The following SGCZ variants were observed in gnomAD, a reference collection of about 807,000 sequenced individuals.
SGCZ encodes the protein zeta-sarcoglycan.
A neutral mutation model predicts 41.3 loss-of-function variants in SGCZ; 40 were observed. That is an observed-to-expected ratio of 0.97 (90% CI 0.75 to 1.26). SGCZ has a LOEUF of 1.26. Ranked by LOEUF, SGCZ falls within the 50% of genes most tolerant of loss-of-function variation. The pLI is 0.00. For missense variants in SGCZ, 552 were observed against 369.8 expected, an observed-to-expected ratio of 1.49 and a Z score of -4.04; for synonymous variants, 206 against 137.5, an observed-to-expected ratio of 1.50 and a Z score of -3.49.
At chr8:15,002,905 G>C (rs1333275172) in intron 1 of SGCZ, among the ~76,000 whole-genome samples, 1 of 152,020 alleles carries the variant, frequency 6.6e-6, no homozygotes, top group Admixed American at 6.6e-5. Context: ...GGAATCATGG[G>C]GTTGGGTCTT....
At chr8:14,593,973 G>C (rs553147017) in intron 1 of SGCZ, among the ~76,000 whole-genome samples, 1 of 151,914 alleles carries the variant, frequency 6.6e-6, no homozygotes, top group African/African-American at 2.4e-5. Flanking sequence ...TCAGGAGTTC[G>C]AGAGCAGTCT....
chr8:15,141,037 C>T (rs1354509557), intron 1 of SGCZ, among the ~76,000 whole-genome samples: 1 of 152,190 alleles, frequency 6.6e-6, no homozygotes, highest in Non-Finnish European at 1.5e-5. Context: ...TAAACTCTGG[C>T]TACATCTTAC....
intron 1 of SGCZ, among the ~76,000 whole-genome samples, chr8:15,121,542 T>C (rs553015376): frequency 1.1e-4 from 16 of 152,312 alleles, no homozygotes; most frequent in Admixed American, 3.3e-4. Flanking sequence ...AGTCTAGTTG[T>C]TGAAGTAAGA....
At chr8:14,881,476 T>A (rs1271030948) in intron 1 of SGCZ, among the ~76,000 whole-genome samples, 1 of 152,146 alleles carries the variant, frequency 6.6e-6, no homozygotes, top group Non-Finnish European at 1.5e-5. Context: ...AGTGAAAAGA[T>A]GCAGATTGCA....
chr8:14,793,130 A>G (rs1801009881), intron 1 of SGCZ, among the ~76,000 whole-genome samples: 1 of 152,190 alleles, frequency 6.6e-6, no homozygotes, highest in African/African-American at 2.4e-5. Flanking sequence ...CAGATATTTA[A>G]AACTCTAGTC....
chr8:14,809,318 T>G (rs1585280135), intron 1 of SGCZ, among the ~76,000 whole-genome samples: 1 of 152,116 alleles, frequency 6.6e-6, no homozygotes, highest in Non-Finnish European at 1.5e-5. Context: ...TCATCATGAA[T>G]ATAAGATATG....
chr8:14,501,035 A>G (rs1802137042), intron 2 of SGCZ, among the ~76,000 whole-genome samples: 2 of 152,096 alleles, frequency 1.3e-5, no homozygotes, highest in African/African-American at 4.8e-5. Flanking sequence ...CAGATCTTTA[A>G]AGGGATCCTC....
intron 1 of SGCZ, among the ~76,000 whole-genome samples, chr8:15,014,364 G>A (rs1315809262): frequency 6.6e-6 from 1 of 152,164 alleles, no homozygotes; most frequent in Non-Finnish European, 1.5e-5. Context: ...GGCCACAGGT[G>A]CCAGTCCCAA....
intron 2 of SGCZ, among the ~76,000 whole-genome samples, chr8:14,376,089 G>A (rs1804111183): frequency 6.6e-6 from 1 of 152,106 alleles, no homozygotes; most frequent in African/African-American, 2.4e-5. Context: ...CGAGGCGGGT[G>A]GATCACAAGG....
At chr8:14,498,895 A>G (rs1802068413) in intron 2 of SGCZ, among the ~76,000 whole-genome samples, 1 of 151,584 alleles carries the variant, frequency 6.6e-6, no homozygotes. Context: ...GGACATTTCG[A>G]TGTCTTAGTC....
chr8:15,025,564 T>C (rs1563447859), intron 1 of SGCZ, among the ~76,000 whole-genome samples: 1 of 152,198 alleles, frequency 6.6e-6, no homozygotes, highest in Admixed American at 6.5e-5. Context: ...CTTCTTAGTT[T>C]GAAATCCCAT....
chr8:14,541,514 G>A (rs994438562), intron 2 of SGCZ, among the ~76,000 whole-genome samples: 1 of 152,108 alleles, frequency 6.6e-6, no homozygotes, highest in Non-Finnish European at 1.5e-5. Flanking sequence ...TGGTGAATAT[G>A]TGCCGCATTT....
At chr8:14,414,827 T>C (rs1301170902) in intron 2 of SGCZ, among the ~76,000 whole-genome samples, 1 of 151,964 alleles carries the variant, frequency 6.6e-6, no homozygotes, top group Non-Finnish European at 1.5e-5. Context: ...ATAACAATTA[T>C]TAAACACCAT....
chr8:14,262,558 T>C (rs1178428631), intron 3 of SGCZ, among the ~76,000 whole-genome samples: 2 of 151,968 alleles, frequency 1.3e-5, no homozygotes, highest in Non-Finnish European at 1.5e-5. Context: ...AAGTATCCTA[T>C]AAAAATTATT....
chr8:14,097,863 G>C (rs1203696203), intron 7 of SGCZ, among the ~76,000 whole-genome samples: 1 of 151,930 alleles, frequency 6.6e-6, no homozygotes, highest in East Asian at 1.9e-4. Context: ...TGTCTCTTTT[G>C]ATCTCTGTTA....
intron 1 of SGCZ, among the ~76,000 whole-genome samples, chr8:14,848,713 A>G (rs979983351): frequency 1.3e-5 from 2 of 152,224 alleles, no homozygotes; most frequent in African/African-American, 4.8e-5. Flanking sequence ...TTAAGCAAAA[A>G]TGTAAATCCT....
chr8:15,076,699 T>C (rs1405347782), intron 1 of SGCZ, among the ~76,000 whole-genome samples: 2 of 151,924 alleles, frequency 1.3e-5, no homozygotes, highest in African/African-American at 4.8e-5. Context: ...CTTTGAACTT[T>C]TCTGTATCCT....
intron 1 of SGCZ, among the ~76,000 whole-genome samples, chr8:14,616,630 T>G (rs910915208): frequency 3.9e-5 from 6 of 152,120 alleles, no homozygotes; most frequent in Admixed American, 3.9e-4. Context: ...GAGGGAGAAT[T>G]CAGGCACTGA....
chr8:14,563,656 A>T (rs1215913039), intron 1 of SGCZ, among the ~76,000 whole-genome samples: 1 of 152,086 alleles, frequency 6.6e-6, no homozygotes, highest in African/African-American at 2.4e-5. Context: ...ATAAGAACTA[A>T]GTTTAGAGGT....
Sources: gnomAD v4.1 joint callset for allele counts (sites outside exome capture counted in the v4.1 genomes callset) on GRCh38, gnomAD v4.1.1 for gene constraint, MANE v1.5 for transcripts, NCBI Gene and HGNC (gene_info 2026-07-23, HGNC 2026-07-21) for gene names.